Variants in NUP210L observed in about 807,000 individuals in gnomAD.
The protein encoded by NUP210L is nucleoporin 210 like.
Under a neutral mutation model 208.5 loss-of-function variants are expected in NUP210L, and 74 were observed. The ratio of observed to expected loss-of-function variants is 0.35; its 90% CI spans 0.29 to 0.43. NUP210L has a LOEUF of 0.43. NUP210L is among the 20% of genes least tolerant of loss of function. The probability of loss-of-function intolerance (pLI) is 1.00; values close to 1 mark genes in which losing one functional copy is unlikely to be tolerated. For synonymous variants in NUP210L, 780 were observed against 816.9 expected, an observed-to-expected ratio of 0.95 and a Z score of 0.77; for missense variants, 1,843 against 2,289.4, an observed-to-expected ratio of 0.81 and a Z score of 3.98.
intron 13 of NUP210L, among the ~76,000 whole-genome samples, chr1:154,103,239 C>T (rs568854706): frequency 4.4e-4 from 66 of 150,946 alleles, no homozygotes; most frequent in African/African-American, 1.5e-3. Context: ...ACTAAAAATA[C>T]AAAAATTAGC....
chr1:154,021,771 A>T (rs1651579370), intron 32 of NUP210L, among the ~76,000 whole-genome samples: 1 of 152,062 alleles, frequency 6.6e-6, no homozygotes, highest in Non-Finnish European at 1.5e-5. Flanking sequence ...TATCCAATAG[A>T]CTCTTGATCA....
chr1:153,993,204 A>G, intron 38 of NUP210L, 115 bp from the exon 39 acceptor site: 1 of 649,092 alleles, frequency 1.5e-6, no homozygotes, highest in Non-Finnish European at 2.6e-6. Context: ...AGTAATAGTA[A>G]TGGCACTATT....
At chr1:154,032,363 T>C (rs1652274622) in intron 27 of NUP210L, among the ~76,000 whole-genome samples, 1 of 152,244 alleles carries the variant, frequency 6.6e-6, no homozygotes, top group African/African-American at 2.4e-5. Flanking sequence ...CTTGCCAGGA[T>C]TCATTGTTGC....
At chr1:154,011,903 T>G (rs964885447) in intron 34 of NUP210L, among the ~76,000 whole-genome samples, 1 of 151,690 alleles carries the variant, frequency 6.6e-6, no homozygotes, top group Non-Finnish European at 1.5e-5. Context: ...GTCAGGCTGG[T>G]CTTGAACTCC....
At chr1:154,119,193 G>C (rs1657486239) in intron 10 of NUP210L, among the ~76,000 whole-genome samples, 1 of 152,056 alleles carries the variant, frequency 6.6e-6, no homozygotes, top group Admixed American at 6.6e-5. Context: ...CTATTCAGAA[G>C]AAAATGAGAA....
chr1:154,007,614 C>G (rs1650638770), intron 35 of NUP210L, among the ~76,000 whole-genome samples: 1 of 151,864 alleles, frequency 6.6e-6, no homozygotes, highest in Admixed American at 6.6e-5. Context: ...ACTCTGTTGC[C>G]CAGGCTGGAG....
At chr1:154,025,474 ACT>A (rs1651827218) in intron 30 of NUP210L, 66 bp downstream of exon 30, 1 of 1,122,452 alleles carries the variant, frequency 8.9e-7, no homozygotes. Flanking sequence ...TAAAAAAGAA[ACT>A]CTGCTTTTTA....
intron 29 of NUP210L, among the ~76,000 whole-genome samples, chr1:154,027,080 C>CAAAAAAAAAAAAAAAAAAAAAA (rs59626984): frequency 3.9e-5 from 4 of 101,742 alleles, no homozygotes; most frequent in Admixed American, 2.2e-4. Flanking sequence ...GAGACTGTCT[C>CAAAAAAAAAAAAAAAAAAAAAA]AAAAAAAAAA....
chr1:154,107,003 G>A (rs1283195347), intron 12 of NUP210L, among the ~76,000 whole-genome samples: 2 of 152,028 alleles, frequency 1.3e-5, no homozygotes, highest in African/African-American at 2.4e-5. Flanking sequence ...GACCATACAG[G>A]AAAACATGGC....
intron 25 of NUP210L, among the ~76,000 whole-genome samples, chr1:154,047,045 C>T (rs970028230): frequency 2.2e-4 from 33 of 151,966 alleles, no homozygotes; most frequent in Admixed American, 2.0e-3. Context: ...GCAACAAGAG[C>T]GAAACTCCGA....
intron 6 of NUP210L, among the ~76,000 whole-genome samples, chr1:154,136,919 C>CAGA (rs536068670): frequency 7.9e-5 from 5 of 62,996 alleles, no homozygotes; most frequent in Admixed American, 7.5e-4. Context: ...GAATCCATCT[C>CAGA]AAAAAAAAAA....
intron 27 of NUP210L, among the ~76,000 whole-genome samples, chr1:154,044,289 C>G (rs1269087712): frequency 1.3e-5 from 2 of 151,982 alleles, no homozygotes; most frequent in African/African-American, 4.8e-5. Context: ...CACCTGTAAT[C>G]CCAGCTACTC....
At chr1:154,140,911 G>A (rs1571322586) in intron 4 of NUP210L, among the ~76,000 whole-genome samples, 1 of 148,176 alleles carries the variant, frequency 6.7e-6, no homozygotes, top group Admixed American at 6.8e-5. Flanking sequence ...GGAGAATGGC[G>A]TGAACCCGGG....
chr1:154,077,882 G>A (rs1655123728), intron 16 of NUP210L, among the ~76,000 whole-genome samples: 1 of 152,126 alleles, frequency 6.6e-6, no homozygotes, highest in Non-Finnish European at 1.5e-5. Flanking sequence ...CTACTTGGGA[G>A]GCTGAGACAG....
chr1:154,015,766 G>A (rs1289728360), intron 33 of NUP210L, among the ~76,000 whole-genome samples: 2 of 151,244 alleles, frequency 1.3e-5, no homozygotes, highest in Non-Finnish European at 2.9e-5. Flanking sequence ...AGAATTAGCC[G>A]AGTGTGGTGG....
intron 15 of NUP210L, among the ~76,000 whole-genome samples, chr1:154,093,254 C>T (rs1010984731): frequency 6.6e-6 from 1 of 151,946 alleles, no homozygotes; most frequent in African/African-American, 2.4e-5. Flanking sequence ...CATGAAGAAA[C>T]CCCATCTCTA....
chr1:154,061,920 C>T (rs964825050), intron 17 of NUP210L, among the ~76,000 whole-genome samples: 6 of 151,994 alleles, frequency 3.9e-5, no homozygotes, highest in Admixed American at 1.3e-4. Flanking sequence ...CACAACCTCC[C>T]GGGTTCAAGC....
At chr1:154,009,624 TA>T (rs35760411) in intron 35 of NUP210L, among the ~76,000 whole-genome samples, 42,885 of 55,274 alleles carry the variant, frequency 0.78, 16,964 homozygotes, top group Non-Finnish European at 0.87. Context: ...ACGTTGCTCT[TA>T]AAAAAAAAAA....
intron 27 of NUP210L, among the ~76,000 whole-genome samples, chr1:154,045,569 A>T (rs373183332): frequency 6.6e-6 from 1 of 152,216 alleles, no homozygotes; most frequent in East Asian, 1.9e-4. Context: ...TATTATCTGC[A>T]TACTCAAATT....
Sources: allele counts gnomAD v4.1 joint callset (sites outside exome capture counted in the v4.1 genomes callset), GRCh38; gene constraint gnomAD v4.1.1; transcripts MANE v1.5; gene names NCBI Gene and HGNC (gene_info 2026-07-23, HGNC 2026-07-21).